EYS: variants seen among roughly 807,000 people sequenced by gnomAD.
The protein encoded by EYS is protein eyes shut homolog.
A neutral mutation model predicts 282.1 loss-of-function variants in EYS; 250 were observed. The ratio of observed to expected loss-of-function variants is 0.89; its 90% CI spans 0.80 to 0.98. The LOEUF (loss-of-function observed/expected upper bound fraction) is 0.98, where lower values mean the gene tolerates loss of function less well. EYS is among the 50% of genes least tolerant of loss of function. The pLI is 0.00. For missense variants in EYS, 4,016 were observed against 3,709.0 expected, an observed-to-expected ratio of 1.08 and a Z score of -2.15; for synonymous variants, 1,355 against 1,282.9, an observed-to-expected ratio of 1.06 and a Z score of -1.20.
At chr6:65,180,951 TG>T (rs1282305375) in intron 12 of EYS, among the ~76,000 whole-genome samples, 3 of 152,232 alleles carry the variant, frequency 2.0e-5, no homozygotes, top group Admixed American at 6.5e-5. Context: ...AAACAAGCAA[TG>T]GGGAAAGGAT....
chr6:65,548,345 C>T (rs554715104), intron 2 of EYS, among the ~76,000 whole-genome samples: 26 of 152,270 alleles, frequency 1.7e-4, no homozygotes, highest in South Asian at 4.1e-4. Context: ...ATTAGGTTAT[C>T]AATTATGGCA....
chr6:64,945,124 TA>T (rs763133866), intron 15 of EYS, among the ~76,000 whole-genome samples: 10,795 of 112,256 alleles, frequency 0.096, 424 homozygotes, highest in South Asian at 0.13. Context: ...GTTTCTCTAT[TA>T]AAAAAAAAAA....
chr6:64,922,906 A>G (rs1453037887), intron 15 of EYS, among the ~76,000 whole-genome samples: 1 of 152,116 alleles, frequency 6.6e-6, no homozygotes. Context: ...CCTACTTTGA[A>G]TTCTTTATCC....
At chr6:64,192,087 A>G (rs1174526539) in intron 31 of EYS, among the ~76,000 whole-genome samples, 2 of 137,986 alleles carry the variant, frequency 1.4e-5, no homozygotes, top group African/African-American at 5.1e-5. Flanking sequence ...CAGTGATGGT[A>G]AGCATTTTTT....
intron 2 of EYS, among the ~76,000 whole-genome samples, chr6:65,603,178 A>G (rs1394987580): frequency 1.3e-5 from 2 of 152,002 alleles, no homozygotes; most frequent in African/African-American, 4.8e-5. Context: ...TTCCTGCTTT[A>G]GAGGCTCACA....
intron 5 of EYS, among the ~76,000 whole-genome samples, chr6:65,476,201 G>A (rs556250841): frequency 2.6e-5 from 4 of 152,156 alleles, no homozygotes; most frequent in South Asian, 4.1e-4. Flanking sequence ...CTACCATGAC[G>A]CATGATATTT....
rs11444176 is a variant in EYS, at chr6:64,620,379, C to CT, written c.3569-2847dup. Among the ~76,000 whole-genome samples, 225 of 152,048 alleles carry CT rather than the reference C, an allele frequency of 1.5e-3. 2 individuals carry two copies. The highest frequency in any genetic ancestry group is 4.9e-3 in the African/African-American group (202 of 41,434). On this transcript the variant is annotated intron_variant, in intron 23 of 42. Transcript: ENST00000503581. ...TGCAAAGATCCACATAGCTCCATGA[C>CT]TTTTTTTTACCAGAAGAATCTGCTA...
chr6:64,571,994 G>A (rs1190316715), intron 26 of EYS, among the ~76,000 whole-genome samples: 4 of 151,682 alleles, frequency 2.6e-5, no homozygotes, highest in Admixed American at 2.6e-4. Flanking sequence ...ATTTCATCAG[G>A]CCAATATCCC....
At chr6:64,851,313 C>T (rs552702011) in intron 19 of EYS, among the ~76,000 whole-genome samples, 3 of 152,008 alleles carry the variant, frequency 2.0e-5, no homozygotes, top group Admixed American at 1.3e-4. Context: ...TCCTTTGTTT[C>T]GTGATTTTTT....
chr6:64,954,897 G>A (rs1769640279), intron 14 of EYS, among the ~76,000 whole-genome samples: 1 of 152,112 alleles, frequency 6.6e-6, no homozygotes, highest in Non-Finnish European at 1.5e-5. Flanking sequence ...GGCTAGGCAT[G>A]GTGGCTCACA....
intron 1 of EYS, among the ~76,000 whole-genome samples, chr6:65,689,430 C>G (rs185462816): frequency 2.0e-5 from 3 of 147,434 alleles, no homozygotes; most frequent in Non-Finnish European, 3.0e-5. Context: ...TGTTAAATGA[C>G]GATTTACTGG....
At chr6:64,084,052 G>A (rs987480131) in intron 31 of EYS, among the ~76,000 whole-genome samples, 1 of 152,072 alleles carries the variant, frequency 6.6e-6, no homozygotes, top group Non-Finnish European at 1.5e-5. Flanking sequence ...TAAGTTTTTA[G>A]TATAAGTATG....
chr6:65,145,378 C>T (rs1257879423), intron 12 of EYS, among the ~76,000 whole-genome samples: 1 of 151,638 alleles, frequency 6.6e-6, no homozygotes, highest in African/African-American at 2.4e-5. Flanking sequence ...TGGAGTTATA[C>T]ATTAAAACTT....
At chr6:64,381,745 T>C (rs1772754137) in intron 29 of EYS, among the ~76,000 whole-genome samples, 1 of 152,246 alleles carries the variant, frequency 6.6e-6, no homozygotes, top group South Asian at 2.1e-4. Flanking sequence ...TTTTAAGTGA[T>C]GCCAGATGGT....
At chr6:64,305,808 T>A (rs191994650) in intron 30 of EYS, among the ~76,000 whole-genome samples, 2 of 152,120 alleles carry the variant, frequency 1.3e-5, no homozygotes, top group South Asian at 2.1e-4. Flanking sequence ...GCTCACAACA[T>A]AGAATTTGGC....
In EYS at chr6:64,980,527, T is replaced by C. The variant is rs62416483; in HGVS notation, c.2259+17055A>G. 7.0e-3 allele frequency among the ~76,000 whole-genome samples: 1,064 copies of C among 151,600 alleles called. 9 individuals carry two copies. Among genetic ancestry groups the C allele is most frequent in the Non-Finnish European group, 8.9e-3 (600 of 67,592 alleles). On this transcript the variant is annotated intron_variant, in intron 14 of 42. Coordinates refer to ENST00000503581, the MANE Select transcript of EYS (RefSeq NM_001142800.2). ...TATTTCTATAAATAGCAGCTGCATT[T>C]ATATTACAGCATGTCTGATATTAGC...
At chr6:65,375,618 C>T (rs1266852586) in intron 8 of EYS, among the ~76,000 whole-genome samples, 1 of 151,836 alleles carries the variant, frequency 6.6e-6, no homozygotes, top group East Asian at 1.9e-4. Context: ...TGCAAGGAAG[C>T]TAAGAACCTT....
At chr6:64,392,844 A>AT (rs761532702) in intron 28 of EYS, among the ~76,000 whole-genome samples, 6 of 151,698 alleles carry the variant, frequency 4.0e-5, no homozygotes, top group Non-Finnish European at 7.4e-5. Context: ...CAGGAGCTGG[A>AT]TTTTTGAAAG....
intron 36 of EYS, among the ~76,000 whole-genome samples, chr6:63,849,704 C>A (rs1156351076): frequency 6.6e-6 from 1 of 152,106 alleles, no homozygotes; most frequent in Non-Finnish European, 1.5e-5. Context: ...GTAGATAAAC[C>A]CACAAAGATG....
Sources: gnomAD v4.1 joint callset for allele counts (sites outside exome capture counted in the v4.1 genomes callset) on GRCh38, gnomAD v4.1.1 for gene constraint, MANE v1.5 for transcripts, NCBI Gene and HGNC (gene_info 2026-07-23, HGNC 2026-07-21) for gene names.